Variants in SFXN1 observed in about 807,000 individuals in gnomAD.
SFXN1 encodes the protein sideroflexin-1.
Under a neutral mutation model 39.5 loss-of-function variants are expected in SFXN1, and 32 were observed. The ratio of observed to expected loss-of-function variants is 0.81; its 90% CI spans 0.61 to 1.09. SFXN1 has a LOEUF of 1.09. Among genes scored for constraint, SFXN1 ranks in the 50% least tolerant of loss-of-function variants. SFXN1 has a pLI of 0.00. For missense variants in SFXN1, 402 were observed against 407.1 expected, an observed-to-expected ratio of 0.99 and a Z score of 0.11; for synonymous variants, 136 against 146.5, an observed-to-expected ratio of 0.93 and a Z score of 0.52.
At chr5:175,479,382 T>C (rs551316385) in intron 1 of SFXN1, among the ~76,000 whole-genome samples, 1 of 152,188 alleles carries the variant, frequency 6.6e-6, no homozygotes, top group East Asian at 1.9e-4. Flanking sequence ...CTCTGAGAGG[T>C]TGAGTGCCCA....
chr5:175,512,087 C>T (rs765574256), intron 5 of SFXN1, 24 bp from the exon 6 acceptor site: 1 of 1,601,524 alleles, frequency 6.2e-7, no homozygotes, highest in East Asian at 2.2e-5. Flanking sequence ...TAAGATAAAG[C>T]TCTTGAAATT....
intron 1 of SFXN1, among the ~76,000 whole-genome samples, chr5:175,484,745 G>C (rs888745264): frequency 1.4e-4 from 22 of 152,226 alleles, no homozygotes; most frequent in African/African-American, 5.3e-4. Flanking sequence ...TTGATTTTTA[G>C]AGACGGGTTT....
At chr5:175,480,312 A>C (rs1759191288) in intron 1 of SFXN1, among the ~76,000 whole-genome samples, 1 of 152,198 alleles carries the variant, frequency 6.6e-6, no homozygotes, top group South Asian at 2.1e-4. Context: ...GAGGCAGGAG[A>C]ATGGCCTGAA....
chr5:175,491,978 T>C, intron 1 of SFXN1, 117 bp from the exon 2 acceptor site: 1 of 619,196 alleles, frequency 1.6e-6, no homozygotes. Context: ...AAAATTATCT[T>C]TATAAATAGG....
chr5:175,488,242 C>T (rs1193794230), intron 1 of SFXN1, among the ~76,000 whole-genome samples: 2 of 152,186 alleles, frequency 1.3e-5, no homozygotes, highest in Non-Finnish European at 2.9e-5. Context: ...TCCCATCTCC[C>T]ACTTCCTCAC....
intron 2 of SFXN1, among the ~76,000 whole-genome samples, chr5:175,506,837 T>A (rs1760322097): frequency 6.6e-6 from 1 of 152,216 alleles, no homozygotes; most frequent in Non-Finnish European, 1.5e-5. Flanking sequence ...GGCTAATTTC[T>A]GTATTTTTAG....
intron 1 of SFXN1, among the ~76,000 whole-genome samples, chr5:175,486,737 C>CA (rs1295607913): frequency 6.6e-6 from 1 of 152,136 alleles, no homozygotes; most frequent in Non-Finnish European, 1.5e-5. Context: ...ATGATTGCAC[C>CA]ACTGCACTCC....
intron 2 of SFXN1, chr5:175,492,584 A>C: frequency 4.9e-6 from 1 of 206,084 alleles, no homozygotes; most frequent in Non-Finnish European, 9.7e-6. Flanking sequence ...GACATCCACA[A>C]CCCCTCCGTG....
intron 1 of SFXN1, chr5:175,491,818 G>A: frequency 3.8e-6 from 1 of 262,078 alleles, no homozygotes; most frequent in Non-Finnish European, 7.1e-6. Context: ...TTTCTCCAGA[G>A]TAATTCTAGG....
chr5:175,516,119 T>G (rs1760710016), intron 7 of SFXN1, among the ~76,000 whole-genome samples: 1 of 151,544 alleles, frequency 6.6e-6, no homozygotes, highest in Admixed American at 6.6e-5. Flanking sequence ...AAAGCTTCAT[T>G]CACTTGCCCA....
chr5:175,479,685 A>G (rs753988406), intron 1 of SFXN1, among the ~76,000 whole-genome samples: 5 of 152,156 alleles, frequency 3.3e-5, no homozygotes, highest in Non-Finnish European at 5.9e-5. Flanking sequence ...AAGGCCCTCA[A>G]TGAGTATTTG....
chr5:175,524,391 T>C (rs1760995848), intron 10 of SFXN1, among the ~76,000 whole-genome samples: 1 of 151,572 alleles, frequency 6.6e-6, no homozygotes, highest in Admixed American at 6.6e-5. Flanking sequence ...AAGATTCATC[T>C]ACATTATTGT....
At chr5:175,524,215 C>G (rs192905852) in intron 10 of SFXN1, 6 of 146,688 alleles carry the variant, frequency 4.1e-5, no homozygotes, top group Non-Finnish European at 7.5e-5. Flanking sequence ...ACCTGTGTCC[C>G]TGCCTCCCCT....
chr5:175,502,337 T>G (rs1312984777), intron 2 of SFXN1, among the ~76,000 whole-genome samples: 1 of 152,046 alleles, frequency 6.6e-6, no homozygotes, highest in Non-Finnish European at 1.5e-5. Flanking sequence ...AAGGGGGTCT[T>G]GGGGGGTGTT....
At chr5:175,487,088 A>T (rs893843096) in intron 1 of SFXN1, among the ~76,000 whole-genome samples, 2 of 152,064 alleles carry the variant, frequency 1.3e-5, no homozygotes, top group African/African-American at 4.8e-5. Flanking sequence ...CAGGCACAGG[A>T]GGGTAAAGAA....
intron 8 of SFXN1, among the ~76,000 whole-genome samples, chr5:175,520,414 G>A (rs1362058282): frequency 6.6e-6 from 1 of 152,112 alleles, no homozygotes; most frequent in Non-Finnish European, 1.5e-5. Flanking sequence ...CAGACTTTCT[G>A]GTTGCAAGGT....
chr5:175,505,351 A>G (rs533080700), intron 2 of SFXN1, among the ~76,000 whole-genome samples: 51 of 151,696 alleles, frequency 3.4e-4, no homozygotes, highest in African/African-American at 1.1e-3. Flanking sequence ...CCTGGCCAAC[A>G]TGGTGAAACC....
chr5:175,489,570 G>T (rs1311883519), intron 1 of SFXN1, among the ~76,000 whole-genome samples: 1 of 152,082 alleles, frequency 6.6e-6, no homozygotes, highest in Non-Finnish European at 1.5e-5. Flanking sequence ...TACATTTCTT[G>T]TATCCCCATG....
intron 7 of SFXN1, among the ~76,000 whole-genome samples, chr5:175,514,532 AT>A (rs1049987094): frequency 1.9e-4 from 29 of 152,320 alleles, no homozygotes; most frequent in Non-Finnish European, 3.7e-4. Context: ...AATTTTCATC[AT>A]CTAAACTGAA....
Sources: gnomAD v4.1 joint callset for allele counts (sites outside exome capture counted in the v4.1 genomes callset) on GRCh38, gnomAD v4.1.1 for gene constraint, MANE v1.5 for transcripts, NCBI Gene and HGNC (gene_info 2026-07-23, HGNC 2026-07-21) for gene names.